PKHD1: variants seen among roughly 807,000 people sequenced by gnomAD.
PKHD1 encodes the protein PKHD1 ciliary IPT domain containing fibrocystin/polyductin, also known as fibrocystin.
A neutral mutation model predicts 412.0 loss-of-function variants in PKHD1; 291 were observed. The observed-to-expected ratio is 0.71, with a 90% CI of 0.64 to 0.78. PKHD1 has a LOEUF of 0.78. PKHD1 is among the 30% of genes least tolerant of loss of function. The pLI is 0.00. For missense variants in PKHD1, 4,825 were observed against 4,950.7 expected, an observed-to-expected ratio of 0.97 and a Z score of 0.76; for synonymous variants, 1,777 against 1,821.5, an observed-to-expected ratio of 0.98 and a Z score of 0.62.
intron 60 of PKHD1, among the ~76,000 whole-genome samples, chr6:51,731,816 C>A (rs1287997787): frequency 6.6e-6 from 1 of 151,876 alleles, no homozygotes; most frequent in Non-Finnish European, 1.5e-5. Context: ...CTAGTGCACC[C>A]AAGGAGCTAA....
intron 5 of PKHD1, among the ~76,000 whole-genome samples, chr6:52,078,984 G>A (rs951968940): frequency 2.0e-5 from 3 of 152,290 alleles, no homozygotes; most frequent in Non-Finnish European, 2.9e-5. Context: ...TATGAAACAC[G>A]GATCGTAGGA....
chr6:52,036,916 T>C (rs1804043857), intron 27 of PKHD1, among the ~76,000 whole-genome samples: 1 of 152,124 alleles, frequency 6.6e-6, no homozygotes, highest in Non-Finnish European at 1.5e-5. Flanking sequence ...ATAAACAGAA[T>C]TTGTACTTAA....
At chr6:51,640,185 G>A (rs570482881) in intron 63 of PKHD1, among the ~76,000 whole-genome samples, 1 of 152,324 alleles carries the variant, frequency 6.6e-6, no homozygotes, top group Non-Finnish European at 1.5e-5. Context: ...ATTTGCTGCA[G>A]TTTTTCCTTT....
At position 51,903,673 on chromosome 6, in the gene PKHD1, C is replaced by T; in HGVS notation, c.6920G>A (p.Gly2307Asp). ...IRNNVIIQVSGAEGLSNPEML... is the reference protein window; with the variant it reads ...IRNNVIIQVSDAEGLSNPEML... ...TTCAGGATTGGAGAGTCCCTCGGCA[C>T]CAGAAACCTGGATGATCACGTTGTT... Residue 2307 changes from glycine (G) to aspartate (D), a missense_variant, in exon 43 of 67, where the codon GGT becomes GAT. Physicochemically the swap from Gly to Asp is moderately conservative, Grantham distance 94. Transcript: ENST00000371117. The T allele has an allele frequency of 1.9e-6, 3 of 1,611,182 alleles. No individual in the cohort carries two copies. The highest frequency in any genetic ancestry group is 1.3e-5 in the African/African-American group (1 of 74,818).
intron 50 of PKHD1, among the ~76,000 whole-genome samples, chr6:51,847,142 G>A (rs1199148064): frequency 1.3e-5 from 2 of 151,550 alleles, no homozygotes; most frequent in African/African-American, 4.9e-5. Context: ...TTAATTTTTT[G>A]TAGAGATTAG....
chr6:52,055,584 C>A lies in PKHD1; in HGVS notation c.1836+3G>T, dbSNP rs991838593. 1.2e-6 allele frequency: 2 copies of A among 1,613,876 alleles called. No individual in the cohort carries two copies. Among genetic ancestry groups the A allele is most frequent in the Non-Finnish European group, 1.7e-6 (2 of 1,179,910 alleles). ...ACCCAGAAGCACAAAGACTGCTACT[C>A]ACGTGTGTATACTGATCTAGCCGAT... On this transcript the variant is annotated splice_donor_region_variant and intron_variant, in intron 19 of 66. Transcript: ENST00000371117.
chr6:52,023,007 A>C, intron 32 of PKHD1, 63 bp from the exon 33 acceptor site: 4 of 1,591,912 alleles, frequency 2.5e-6, no homozygotes, highest in Non-Finnish European at 3.4e-6. Context: ...TACTCAACTC[A>C]AAATTCAAAC....
rs79438884 is a variant in PKHD1, at chr6:51,894,498, T to G, written c.6997-7253A>C. ...TTTACTTGCATCATGCCAGGTTGAA[T>G]GTAAGTGAACTAGCAAGGTGACTGA... On this transcript the variant is annotated intron_variant, in intron 43 of 66. Transcript: ENST00000371117. Among the ~76,000 whole-genome samples, 1,079 of 152,354 alleles carry G rather than the reference T, an allele frequency of 7.1e-3. 16 individuals carry two copies. Among genetic ancestry groups the G allele is most frequent in the African/African-American group, 0.025 (1,031 of 41,576 alleles).
At position 51,836,331 on chromosome 6, in the gene PKHD1, AG is replaced by A. The variant is rs1769213679; in HGVS notation, c.8173+72del. On this transcript the variant is annotated intron_variant, in intron 51 of 66. Coordinates refer to ENST00000371117, the MANE Select transcript of PKHD1 (RefSeq NM_138694.4). ...CTGCCTGTTTATTAACAGTATGACA[AG>A]GTGGAATTTGTAGAACTACTGGAGG... The A allele has an allele frequency of 4.2e-6, 4 of 960,340 alleles. No homozygotes were observed. The Admixed American group carries it at 6.8e-5, about 16-fold the overall frequency. 59.5% of individuals were successfully genotyped at this position (960,340 alleles called of 1,614,324 possible).
At chr6:51,785,791 T>C (rs1011146731) in intron 53 of PKHD1, among the ~76,000 whole-genome samples, 3 of 152,210 alleles carry the variant, frequency 2.0e-5, no homozygotes, top group African/African-American at 7.2e-5. Context: ...AAAATCTGTT[T>C]GGCCAGTTTT....
intron 64 of PKHD1, among the ~76,000 whole-genome samples, chr6:51,638,227 C>A: frequency 6.6e-6 from 1 of 152,150 alleles, no homozygotes; most frequent in Admixed American, 6.5e-5. Context: ...CCTGGCTATA[C>A]GATCACTATC....
intron 60 of PKHD1, among the ~76,000 whole-genome samples, chr6:51,693,306 A>G (rs532342910): frequency 6.6e-6 from 1 of 152,358 alleles, no homozygotes; most frequent in South Asian, 2.1e-4. Context: ...CTCCATGTGA[A>G]CCATATACTT....
In PKHD1 at chr6:51,841,378, TTC is replaced by T. The variant is rs1491556122; in HGVS notation, c.8108-4911_8108-4910del. ...GATTCTAAGTTTCCTTCCCTTTCCT[TTC>T]TCCTCCTCTCCTCTTCTCTCCTCTC... On this transcript the variant is annotated intron_variant, in intron 50 of 66. Coordinates refer to ENST00000371117, the MANE Select transcript of PKHD1 (RefSeq NM_138694.4). Among the ~76,000 whole-genome samples, 288 of 151,836 alleles carry T rather than the reference TTC, an allele frequency of 1.9e-3. 1 individual carries two copies. Among genetic ancestry groups the T allele is most frequent in the Non-Finnish European group, 3.0e-3 (204 of 67,904 alleles).
At chr6:51,682,285 C>T (rs1449293187) in intron 60 of PKHD1, 1 of 449,528 alleles carries the variant, frequency 2.2e-6, no homozygotes, top group East Asian at 7.0e-5. Context: ...TCTCTCTAAA[C>T]ACAAGTTTTC....
chr6:51,853,586 T>C (rs1376023884), intron 49 of PKHD1, among the ~76,000 whole-genome samples: 1 of 152,246 alleles, frequency 6.6e-6, no homozygotes, highest in Non-Finnish European at 1.5e-5. Context: ...AGTCTTTTTA[T>C]GAAATCCCAT....
chr6:51,780,310 C>A (rs4543373), intron 53 of PKHD1, among the ~76,000 whole-genome samples: 88,698 of 151,390 alleles, frequency 0.59, 26,722 homozygotes, highest in East Asian at 0.83. Context: ...AGCTTGAATC[C>A]CAGTTGCGGA....
intron 48 of PKHD1, among the ~76,000 whole-genome samples, chr6:51,858,325 T>C (rs975138629): frequency 6.6e-6 from 1 of 152,190 alleles, no homozygotes; most frequent in Non-Finnish European, 1.5e-5. Context: ...CTTCCCCTGA[T>C]GGAAACCATG....
rs116621315 is a variant in PKHD1, at chr6:51,823,957, C to A, written c.8302+6904G>T. Among the ~76,000 whole-genome samples the A allele has an allele frequency of 3.6e-3, 541 of 152,228 alleles. 5 individuals are homozygous for A. Among genetic ancestry groups the A allele is most frequent in the African/African-American group, 0.012 (509 of 41,550 alleles). On this transcript the variant is annotated intron_variant, in intron 52 of 66. Coordinates refer to ENST00000371117, the MANE Select transcript of PKHD1 (RefSeq NM_138694.4). ...TATTTTAGGAACAAAACAAATAAAT[C>A]AATAGTAGTCCCTTTAATAAATTTT...
rs148518854 is a variant in PKHD1 at position 51,666,334 on chromosome 6, A to G, written c.10157-6365T>C. ...CATATACTACCCAGCTTACCTCTGT[A>G]TCATCCTTCCTATATTTTATTGTAA... On this transcript the variant is annotated intron_variant, in intron 60 of 66. Transcript: ENST00000371117. Among the ~76,000 whole-genome samples the G allele has an allele frequency of 2.0e-4, 31 of 152,302 alleles. No individual in the cohort carries two copies. The East Asian group carries it at 6.0e-3, about 29-fold the overall frequency.
Sources: allele counts gnomAD v4.1 joint callset (sites outside exome capture counted in the v4.1 genomes callset), GRCh38; gene constraint gnomAD v4.1.1; transcripts MANE v1.5; gene names NCBI Gene and HGNC (gene_info 2026-07-23, HGNC 2026-07-21).